SENP7: variants seen among roughly 807,000 people sequenced by gnomAD.
SENP7 encodes sentrin-specific protease 7.
In SENP7, 64 loss-of-function variants were observed where a neutral mutation model predicts 141.2. The observed-to-expected ratio is 0.45, with a 90% CI of 0.37 to 0.56. The LOEUF (loss-of-function observed/expected upper bound fraction) is 0.56, where lower values mean the gene tolerates loss of function less well. SENP7 is among the 20% of genes least tolerant of loss of function. The probability of loss-of-function intolerance (pLI) is 0.00; values close to 1 mark genes in which losing one functional copy is unlikely to be tolerated. For missense variants in SENP7, 1,025 were observed against 1,212.2 expected (o/e 0.85, Z 2.29); for synonymous variants, 382 against 426.4 (o/e 0.90, Z 1.28).
At chr3:101,344,083 C>T in intron 13 of SENP7, 129 bp from the exon 14 acceptor site, 1 of 702,174 alleles carries the variant, frequency 1.4e-6, no homozygotes, top group Non-Finnish European at 2.2e-6. Flanking sequence ...TAGGTAATAA[C>T]CAAGGCAAAT....
intron 4 of SENP7, among the ~76,000 whole-genome samples, chr3:101,455,243 T>TTAACCTAG (rs781231655): frequency 8.5e-5 from 13 of 152,166 alleles, no homozygotes; most frequent in Non-Finnish European, 1.5e-4. Flanking sequence ...CTGTTAATAC[T>TTAACCTAG]GAACTAGGTT....
rs1393706605 is a variant in SENP7, at chr3:101,341,792, G to C, written c.2107-13C>G. Reference sequence around the variant, plus strand: ...CTGTGTTTGAGGGCTGACAGAAAGTGGCAAGAAAAAGGGTCTCAAACATCA... The same window carrying C: ...CTGTGTTTGAGGGCTGACAGAAAGTCGCAAGAAAAAGGGTCTCAAACATCA... On this transcript the variant is annotated splice_polypyrimidine_tract_variant and intron_variant, in intron 14 of 23. Coordinates refer to ENST00000394095, the MANE Select transcript of SENP7 (RefSeq NM_020654.5). 2.5e-5 allele frequency: 39 copies of C among 1,565,202 alleles called. No individual in the cohort carries two copies. Among genetic ancestry groups the C allele is most frequent in the Non-Finnish European group, 3.3e-5 (38 of 1,146,160 alleles).
At position 101,356,652 on chromosome 3, in the gene SENP7, AT is replaced by A. The variant is rs1457376845; in HGVS notation, c.1624-5002del. ...ACATAGAATCAATTTTGAATTAAATATTTTTTCATATTTACTGCATCGGCAA... is the reference window on the plus strand; with the variant it reads ...ACATAGAATCAATTTTGAATTAAATATTTTTCATATTTACTGCATCGGCAA... On this transcript the variant is annotated intron_variant, in intron 11 of 23. Transcript: ENST00000394095. 2.0e-5 allele frequency among the ~76,000 whole-genome samples: 3 copies of A among 152,100 alleles called. No homozygotes were observed. The East Asian group carries it at 5.8e-4, about 29-fold the overall frequency.
intron 3 of SENP7, among the ~76,000 whole-genome samples, chr3:101,471,729 G>A (rs1465143712): frequency 6.6e-6 from 1 of 152,058 alleles, no homozygotes; most frequent in Non-Finnish European, 1.5e-5. Context: ...TACAGAATGG[G>A]AGAAAATTTT....
intron 5 of SENP7, among the ~76,000 whole-genome samples, chr3:101,402,914 G>C (rs1272226546): frequency 1.3e-5 from 2 of 152,166 alleles, no homozygotes; most frequent in African/African-American, 2.4e-5. Context: ...GGATCAAGAA[G>C]TAATTTCAAG....
At chr3:101,369,457 T>C (rs1305565019) in intron 7 of SENP7, among the ~76,000 whole-genome samples, 9 of 152,194 alleles carry the variant, frequency 5.9e-5, no homozygotes, top group Non-Finnish European at 4.4e-5. Flanking sequence ...GGAACAGGAT[T>C]GAGGGTAAAA....
At chr3:101,431,909 T>C (rs888670723) in intron 4 of SENP7, among the ~76,000 whole-genome samples, 1 of 152,182 alleles carries the variant, frequency 6.6e-6, no homozygotes, top group African/African-American at 2.4e-5. Flanking sequence ...ATCTTATTCT[T>C]TGAAATTAAA....
chr3:101,355,628 T>G (rs999872007), intron 11 of SENP7, among the ~76,000 whole-genome samples: 1 of 152,202 alleles, frequency 6.6e-6, no homozygotes, highest in African/African-American at 2.4e-5. Flanking sequence ...ATAGCACAGT[T>G]TGAAGCTGGG....
At chr3:101,413,698 G>A (rs1260488235) in intron 5 of SENP7, among the ~76,000 whole-genome samples, 6 of 151,438 alleles carry the variant, frequency 4.0e-5, no homozygotes, top group Non-Finnish European at 8.8e-5. Flanking sequence ...AGATTTGGAG[G>A]GTGGAATCAA....
At chr3:101,432,007 C>T (rs141968278) in intron 4 of SENP7, among the ~76,000 whole-genome samples, 1 of 152,200 alleles carries the variant, frequency 6.6e-6, no homozygotes, top group Non-Finnish European at 1.5e-5. Context: ...AATTCCAGGA[C>T]GTGACCCTAT....
chr3:101,402,616 CAAAAAAA>C (rs58525002), intron 5 of SENP7, among the ~76,000 whole-genome samples: 4 of 93,654 alleles, frequency 4.3e-5, no homozygotes, highest in South Asian at 8.6e-4. Flanking sequence ...GACTCCGTCT[CAAAAAAA>C]AAAAAAAAAA....
intron 4 of SENP7, among the ~76,000 whole-genome samples, chr3:101,432,736 C>T (rs1205112888): frequency 6.6e-6 from 1 of 152,194 alleles, no homozygotes; most frequent in Non-Finnish European, 1.5e-5. Context: ...AGTTGGGGTG[C>T]ACCCTAAAGC....
In SENP7 at chr3:101,506,020, AT is replaced by A. The variant is rs61021808; in HGVS notation, c.41-4902del. 4.0e-3 allele frequency among the ~76,000 whole-genome samples: 571 copies of A among 141,190 alleles called. 4 individuals are homozygous for A. Among genetic ancestry groups the A allele is most frequent in the African/African-American group, 0.01 (394 of 38,022 alleles). 92.6% of individuals were successfully genotyped at this position (141,190 alleles called of 152,430 possible). On this transcript the variant is annotated intron_variant, in intron 1 of 23. Coordinates refer to ENST00000394095, the MANE Select transcript of SENP7 (RefSeq NM_020654.5). Reference sequence around the variant, plus strand: ...CACTCATTCACTTATTTATTCCATAATTTTTTTTTTTTTTTTTTGAGACGGA... The same window carrying A: ...CACTCATTCACTTATTTATTCCATAATTTTTTTTTTTTTTTTTGAGACGGA...
intron 11 of SENP7, among the ~76,000 whole-genome samples, chr3:101,360,854 T>A (rs2059877857): frequency 6.6e-6 from 1 of 152,202 alleles, no homozygotes; most frequent in Non-Finnish European, 1.5e-5. Flanking sequence ...AGAGTCAGTA[T>A]ATCAGAGAAG....
chr3:101,465,747 A>C (rs1414820923), intron 3 of SENP7, among the ~76,000 whole-genome samples: 1 of 152,208 alleles, frequency 6.6e-6, no homozygotes, highest in Non-Finnish European at 1.5e-5. Flanking sequence ...TGAAAAAGCA[A>C]GGAAACAAGA....
chr3:101,501,263 A>G, intron 1 of SENP7, 144 bp from the exon 2 acceptor site: 1 of 541,014 alleles, frequency 1.8e-6, no homozygotes, highest in Non-Finnish European at 3.2e-6. Context: ...CAGAAACTGA[A>G]GGGCTAAACA....
intron 17 of SENP7, among the ~76,000 whole-genome samples, chr3:101,333,959 G>A (rs570371771): frequency 6.6e-6 from 1 of 152,152 alleles, no homozygotes; most frequent in Non-Finnish European, 1.5e-5. Flanking sequence ...TCCTCAGACC[G>A]TCAGGCATTA....
intron 10 of SENP7, chr3:101,363,107 A>G (rs1337106003): frequency 8.9e-6 from 8 of 897,274 alleles, no homozygotes; most frequent in Non-Finnish European, 1.1e-5. Flanking sequence ...ATTATTTTAA[A>G]CCCAGCTCAT....
At position 101,367,161 on chromosome 3, in the gene SENP7, A is replaced by G. The variant is rs527536700; in HGVS notation, c.979-392T>C. ...GTAAAAAAATTTAAAAATCAACAAT[A>G]TAACAACATTAAAAATTATGAAAAT... On this transcript the variant is annotated intron_variant, in intron 8 of 23. Coordinates refer to ENST00000394095, the MANE Select transcript of SENP7 (RefSeq NM_020654.5). 5.9e-5 allele frequency among the ~76,000 whole-genome samples: 9 copies of G among 152,302 alleles called. No homozygotes were observed. The East Asian group carries it at 1.7e-3, about 29-fold the overall frequency.
Sources: gnomAD v4.1 joint callset for allele counts (sites outside exome capture counted in the v4.1 genomes callset) on GRCh38, gnomAD v4.1.1 for gene constraint, MANE v1.5 for transcripts, NCBI Gene and HGNC (gene_info 2026-07-23, HGNC 2026-07-21) for gene names.